CNIH3: variants seen among roughly 807,000 people sequenced by gnomAD.
CNIH3 encodes the protein cornichon family AMPA receptor auxiliary protein 3.
A neutral mutation model predicts 24.1 loss-of-function variants in CNIH3; 14 were observed. That is an observed-to-expected ratio of 0.58 (90% CI 0.38 to 0.91). The LOEUF is 0.91. CNIH3 is among the 40% of genes least tolerant of loss of function. The probability of loss-of-function intolerance (pLI) is 0.00; values close to 1 mark genes in which losing one functional copy is unlikely to be tolerated. For missense variants in CNIH3, 178 were observed against 196.8 expected, an observed-to-expected ratio of 0.90 and a Z score of 0.57; for synonymous variants, 68 against 73.8, an observed-to-expected ratio of 0.92 and a Z score of 0.40.
chr1:224,616,452 C>T lies in CNIH3; in HGVS notation c.-723C>T. The stretch of plus-strand genomic sequence containing the variant: ...CGTTGGGTGGAGCCAGTGCTCGCCC[C>T]GGTCCGACCCCCGGTTTCCGGGACA... On this transcript the variant is annotated 5_prime_UTR_variant, in exon 1 of 6. Transcript: ENST00000272133. 5 of 989,610 alleles carry T rather than the reference C, an allele frequency of 5.1e-6. No homozygotes were observed. The highest frequency in any genetic ancestry group is 8.8e-5 in the South Asian group (2 of 22,760). 61.3% of individuals were successfully genotyped at this position (989,610 alleles called of 1,614,324 possible).
intron 2 of CNIH3, among the ~76,000 whole-genome samples, chr1:224,542,745 T>C (rs1441496489): frequency 6.6e-6 from 1 of 152,202 alleles, no homozygotes; most frequent in Non-Finnish European, 1.5e-5. Flanking sequence ...CCAGTTAGAA[T>C]GCCACTGTAA....
intron 3 of CNIH3, among the ~76,000 whole-genome samples, chr1:224,715,812 A>T (rs188207183): frequency 6.6e-6 from 1 of 152,246 alleles, no homozygotes; most frequent in East Asian, 1.9e-4. Context: ...TTCATGAGGG[A>T]TCCGCTCCCA....
intron 1 of CNIH3, among the ~76,000 whole-genome samples, chr1:224,648,647 A>G (rs945014438): frequency 7.9e-5 from 12 of 152,120 alleles, no homozygotes; most frequent in Non-Finnish European, 1.5e-4. Context: ...AGAGAAGGAT[A>G]TTGGAATACC....
downstream of CNIH3, chr1:224,588,669 A>G (rs1304409810): frequency 6.6e-6 from 1 of 151,862 alleles, no homozygotes; most frequent in African/African-American, 2.4e-5. Flanking sequence ...ATAACCATTC[A>G]GACAACCAGG....
chr1:224,528,087 C>T (rs1440986638), intron 2 of CNIH3, among the ~76,000 whole-genome samples: 1 of 151,790 alleles, frequency 6.6e-6, no homozygotes, highest in South Asian at 2.1e-4. Context: ...CATGGCAGGA[C>T]CCCCATCTCT....
intron 1 of CNIH3, among the ~76,000 whole-genome samples, chr1:224,489,433 T>C (rs1324836734): frequency 1.3e-5 from 2 of 152,210 alleles, no homozygotes; most frequent in Non-Finnish European, 2.9e-5. Context: ...GGTTTTTTTT[T>C]CTGACTTTTA....
At chr1:224,695,394 A>G (rs915258953) in intron 3 of CNIH3, among the ~76,000 whole-genome samples, 1 of 124,218 alleles carries the variant, frequency 8.1e-6, no homozygotes, top group South Asian at 2.8e-4. Context: ...ACACACACAC[A>G]CCCCTGTTGG....
intron 1 of CNIH3, among the ~76,000 whole-genome samples, chr1:224,470,983 G>A (rs534033652): frequency 6.6e-6 from 1 of 152,258 alleles, no homozygotes; most frequent in African/African-American, 2.4e-5. Context: ...TTATTTAAAA[G>A]TGTACAATTA....
chr1:224,566,022 T>C (rs1474855668), intron 3 of CNIH3, among the ~76,000 whole-genome samples: 1 of 117,530 alleles, frequency 8.5e-6, no homozygotes, highest in African/African-American at 4.0e-5. Flanking sequence ...AGTCCTTGCC[T>C]GGCTTTCTGT....
At chr1:224,442,082 G>T (rs576067306) in intron 1 of CNIH3, among the ~76,000 whole-genome samples, 1 of 144,290 alleles carries the variant, frequency 6.9e-6, no homozygotes, top group Non-Finnish European at 1.5e-5. Context: ...GCAGTGGCAC[G>T]ATCATGGCTC....
At chr1:224,673,971 A>G (rs1333408815) in intron 1 of CNIH3, among the ~76,000 whole-genome samples, 2 of 152,232 alleles carry the variant, frequency 1.3e-5, no homozygotes, top group African/African-American at 4.8e-5. Context: ...AAAGTACATC[A>G]TTCAAACACT....
intron 4 of CNIH3, among the ~76,000 whole-genome samples, chr1:224,731,393 A>G (rs915414413): frequency 2.6e-5 from 4 of 152,192 alleles, no homozygotes; most frequent in African/African-American, 4.8e-5. Flanking sequence ...GGCTTTTTGT[A>G]AAATAGAGTC....
chr1:224,562,087 T>C (rs893268759), intron 3 of CNIH3, among the ~76,000 whole-genome samples: 1 of 152,240 alleles, frequency 6.6e-6, no homozygotes, highest in Admixed American at 6.5e-5. Context: ...ACACTATTTC[T>C]ATGCTAATTA....
chr1:224,568,317 T>A (rs1236237569), intron 4 of CNIH3, among the ~76,000 whole-genome samples: 2 of 151,658 alleles, frequency 1.3e-5, no homozygotes, highest in East Asian at 2.0e-4. Flanking sequence ...ACAAAAAAAA[T>A]TTATAATGAA....
At chr1:224,447,172 G>T (rs1025312221) in intron 1 of CNIH3, among the ~76,000 whole-genome samples, 2 of 152,138 alleles carry the variant, frequency 1.3e-5, no homozygotes, top group African/African-American at 4.8e-5. Context: ...GCATCTGCAA[G>T]CGGGAGCCCC....
chr1:224,455,289 A>G (rs984788798), intron 1 of CNIH3, among the ~76,000 whole-genome samples: 1 of 152,224 alleles, frequency 6.6e-6, no homozygotes, highest in African/African-American at 2.4e-5. Context: ...CTGAACCATC[A>G]TAGGTCAGGG....
intron 1 of CNIH3, among the ~76,000 whole-genome samples, chr1:224,658,904 G>A (rs12032349): frequency 0.18 from 27,445 of 152,060 alleles, 2,642 homozygotes; most frequent in African/African-American, 0.24. Context: ...TCAATTTGAC[G>A]TTTACATAAA....
At chr1:224,643,996 G>A (rs1684480979) in intron 1 of CNIH3, among the ~76,000 whole-genome samples, 1 of 152,192 alleles carries the variant, frequency 6.6e-6, no homozygotes, top group South Asian at 2.1e-4. Flanking sequence ...AACCCTGGTG[G>A]ATCTAGTGGG....
intron 1 of CNIH3, among the ~76,000 whole-genome samples, chr1:224,620,475 G>GA (rs1683225918): frequency 6.6e-6 from 1 of 152,172 alleles, no homozygotes; most frequent in Non-Finnish European, 1.5e-5. Context: ...CTGTATAAAT[G>GA]AAATTTTAGA....
Sources: gnomAD v4.1 joint callset for allele counts (sites outside exome capture counted in the v4.1 genomes callset) on GRCh38, gnomAD v4.1.1 for gene constraint, MANE v1.5 for transcripts, NCBI Gene and HGNC (gene_info 2026-07-23, HGNC 2026-07-21) for gene names.